The following FCHSD2 variants were observed in gnomAD, a reference collection of about 807,000 sequenced individuals.
FCHSD2 encodes the protein F-BAR and double SH3 domains protein 2.
Under a neutral mutation model 108.1 loss-of-function variants are expected in FCHSD2, and 38 were observed. The ratio of observed to expected loss-of-function variants is 0.35; its 90% CI spans 0.27 to 0.46. The LOEUF (loss-of-function observed/expected upper bound fraction) is 0.46, where lower values mean the gene tolerates loss of function less well. Among genes scored for constraint, FCHSD2 ranks in the 20% least tolerant of loss-of-function variants. The pLI is 1.00. For synonymous variants in FCHSD2, 279 were observed against 314.7 expected (o/e 0.89, Z 1.20); for missense variants, 751 against 897.8 (o/e 0.84, Z 2.09).
intron 9 of FCHSD2, among the ~76,000 whole-genome samples, chr11:72,913,835 C>CCAAAAAAAAAACA (rs1565320056): frequency 6.9e-6 from 1 of 145,700 alleles, no homozygotes; most frequent in Non-Finnish European, 1.5e-5. Flanking sequence ...AAAAAAAAAA[C>CCAAAAAAAAAACA]AAAAAAAAAA....
chr11:72,849,917 G>C (rs561800757), intron 13 of FCHSD2, 28 bp from the exon 14 acceptor site: 25 of 1,588,596 alleles, frequency 1.6e-5, no homozygotes, highest in Non-Finnish European at 2.1e-5. Flanking sequence ...CCATTGGCTA[G>C]TTTCCTTACT....
intron 8 of FCHSD2, among the ~76,000 whole-genome samples, chr11:72,945,280 C>T (rs1289479403): frequency 6.6e-6 from 1 of 152,064 alleles, no homozygotes; most frequent in Admixed American, 6.6e-5. Context: ...ACAAACCTGA[C>T]AAAAACAAGA....
In FCHSD2 at chr11:73,059,279, G is replaced by GT. The variant is rs149992039; in HGVS notation, c.165+24415dup. Among the ~76,000 whole-genome samples the GT allele has an allele frequency of 3.1e-3, 466 of 148,034 alleles. 5 individuals carry two copies. Among genetic ancestry groups the GT allele is most frequent in the African/African-American group, 0.011 (440 of 40,400 alleles). On this transcript the variant is annotated intron_variant, in intron 3 of 19. Coordinates refer to ENST00000409418, the MANE Select transcript of FCHSD2 (RefSeq NM_014824.3). ...ACTACGGTTTATTTACCCTCCGTGG[G>GT]TTTTTTTTTTAACCCCCATACCAGA...
rs182566801 is a variant in FCHSD2, at chr11:73,012,659, T to G, written c.242+3150A>C. The stretch of plus-strand genomic sequence containing the variant: ...TGTCTTTTTCACAATAGCACCACCA[T>G]CCTCTCAGTTGCCTAAATGAAAACA... On this transcript the variant is annotated intron_variant, in intron 4 of 19. Coordinates refer to ENST00000409418, the MANE Select transcript of FCHSD2 (RefSeq NM_014824.3). Among the ~76,000 whole-genome samples the G allele has an allele frequency of 2.6e-5, 4 of 152,306 alleles. 1 individual carries two copies. The highest frequency in any genetic ancestry group is 9.6e-5 in the African/African-American group (4 of 41,564).
intron 8 of FCHSD2, among the ~76,000 whole-genome samples, chr11:72,965,688 A>G (rs567439167): frequency 1.3e-5 from 2 of 151,776 alleles, no homozygotes; most frequent in East Asian, 3.9e-4. Context: ...CCAACACCTC[A>G]GAAGGCACTC....
intron 3 of FCHSD2, among the ~76,000 whole-genome samples, chr11:73,083,130 TAA>T (rs1565401995): frequency 6.6e-6 from 1 of 152,148 alleles, no homozygotes; most frequent in Non-Finnish European, 1.5e-5. Context: ...AACAAACTTG[TAA>T]AAAGTATTAT....
chr11:73,114,795 G>A (rs1358264753), intron 2 of FCHSD2, among the ~76,000 whole-genome samples: 1 of 151,994 alleles, frequency 6.6e-6, no homozygotes, highest in Non-Finnish European at 1.5e-5. Flanking sequence ...TATCCAAGAT[G>A]TAAGATAAAA....
At chr11:72,932,295 T>C (rs1440842971) in intron 8 of FCHSD2, among the ~76,000 whole-genome samples, 1 of 152,176 alleles carries the variant, frequency 6.6e-6, no homozygotes, top group Admixed American at 6.5e-5. Flanking sequence ...CAACTCTCCC[T>C]CTCACCAACT....
intron 8 of FCHSD2, among the ~76,000 whole-genome samples, chr11:72,946,043 C>T (rs904346287): frequency 5.9e-5 from 9 of 152,106 alleles, no homozygotes; most frequent in African/African-American, 9.6e-5. Context: ...ATTCCATTAC[C>T]GAGTATATAC....
At chr11:72,995,365 A>G (rs1857500844) in intron 5 of FCHSD2, among the ~76,000 whole-genome samples, 1 of 152,098 alleles carries the variant, frequency 6.6e-6, no homozygotes, top group African/African-American at 2.4e-5. Flanking sequence ...TGCAGGTGTG[A>G]AGAGCTAAAA....
chr11:73,105,196 G>A (rs770369479), intron 2 of FCHSD2, among the ~76,000 whole-genome samples: 17 of 152,102 alleles, frequency 1.1e-4, no homozygotes, highest in Non-Finnish European at 1.9e-4. Flanking sequence ...TTAGGTGGGG[G>A]GAAGACTTAG....
At position 72,841,537 on chromosome 11, in the gene FCHSD2, A is replaced by G; in HGVS notation, c.1973T>C (p.Leu658Ser). ...KPHASLPPLP[L>S]YDQPPSSPYP... Reference sequence around the variant, plus strand: ...GGGGCTGCTGGGAGGCTGGTCGTACAACGGCAGTGGAGGCAGGGAGGCGTG... The same window carrying G: ...GGGGCTGCTGGGAGGCTGGTCGTACGACGGCAGTGGAGGCAGGGAGGCGTG... Residue 658 changes from leucine (L) to serine (S), a missense_variant, in exon 18 of 20, where the codon TTG becomes TCG. Leu to Ser is a moderately radical substitution (Grantham distance 145, BLOSUM62 -2). Transcript: ENST00000409418. 9 of 1,611,580 alleles carry G rather than the reference A, an allele frequency of 5.6e-6. No homozygotes were observed. Among genetic ancestry groups the G allele is most frequent in the Non-Finnish European group, 7.6e-6 (9 of 1,179,040 alleles).
intron 8 of FCHSD2, 81 bp downstream of exon 8, chr11:72,984,007 A>G (rs750005055): frequency 1.9e-4 from 212 of 1,134,310 alleles, no homozygotes; most frequent in South Asian, 2.5e-4. Flanking sequence ...TATAGATTCA[A>G]TCCCATAAAC....
At chr11:73,140,722 G>A (rs1219732464) in intron 1 of FCHSD2, among the ~76,000 whole-genome samples, 1 of 152,238 alleles carries the variant, frequency 6.6e-6, no homozygotes, top group African/African-American at 2.4e-5. Flanking sequence ...TCCAGCATAT[G>A]CAGTGCTTTT....
At chr11:72,916,403 C>A (rs1355866060) in intron 9 of FCHSD2, among the ~76,000 whole-genome samples, 1 of 150,496 alleles carries the variant, frequency 6.6e-6, no homozygotes, top group Admixed American at 6.6e-5. Context: ...GCTTCCAATT[C>A]CTGGGCTCAA....
At chr11:73,021,505 G>T (rs1198165848) in intron 3 of FCHSD2, among the ~76,000 whole-genome samples, 1 of 152,074 alleles carries the variant, frequency 6.6e-6, no homozygotes, top group Non-Finnish European at 1.5e-5. Flanking sequence ...GGAGCTAAAT[G>T]ATGAGAACAC....
chr11:73,042,481 T>C (rs769608517), intron 3 of FCHSD2, among the ~76,000 whole-genome samples: 1 of 152,206 alleles, frequency 6.6e-6, no homozygotes, highest in East Asian at 1.9e-4. Context: ...TATTTTGAAG[T>C]CAGGTACTGT....
intron 3 of FCHSD2, among the ~76,000 whole-genome samples, chr11:73,045,081 A>G (rs541970878): frequency 1.3e-5 from 2 of 152,176 alleles, no homozygotes; most frequent in East Asian, 3.9e-4. Flanking sequence ...AAAAAAAAAA[A>G]AAAGAATGGG....
chr11:73,073,239 T>C (rs1859474835), intron 3 of FCHSD2, among the ~76,000 whole-genome samples: 1 of 152,242 alleles, frequency 6.6e-6, no homozygotes, highest in African/African-American at 2.4e-5. Context: ...TATTCTTACA[T>C]GACTTCTGTT....
Sources: gnomAD v4.1 joint callset for allele counts (sites outside exome capture counted in the v4.1 genomes callset) on GRCh38, gnomAD v4.1.1 for gene constraint, MANE v1.5 for transcripts, NCBI Gene and HGNC (gene_info 2026-07-23, HGNC 2026-07-21) for gene names.